Variants in CHCHD6 observed in about 807,000 individuals in gnomAD.
CHCHD6 encodes the protein coiled-coil-helix-coiled-coil-helix domain containing 6.
Under a neutral mutation model 32.3 loss-of-function variants are expected in CHCHD6, and 28 were observed. That is an observed-to-expected ratio of 0.87 (90% CI 0.64 to 1.19). The LOEUF is 1.19. Ranked by LOEUF, CHCHD6 falls within the 50% of genes most tolerant of loss-of-function variation. CHCHD6 has a pLI of 0.00. For missense variants in CHCHD6, 333 were observed against 307.0 expected (o/e 1.08, Z -0.63); for synonymous variants, 122 against 117.5 (o/e 1.04, Z -0.25).
intron 4 of CHCHD6, among the ~76,000 whole-genome samples, chr3:126,829,545 G>A (rs547432530): frequency 6.6e-6 from 1 of 151,910 alleles, no homozygotes; most frequent in African/African-American, 2.4e-5. Flanking sequence ...GACAAAATTC[G>A]TATGTTGAAG....
At chr3:126,944,592 G>A (rs1326474539) in intron 6 of CHCHD6, among the ~76,000 whole-genome samples, 1 of 152,210 alleles carries the variant, frequency 6.6e-6, no homozygotes, top group East Asian at 1.9e-4. Flanking sequence ...AGGCCACAGA[G>A]CAGAAGTGAC....
intron 5 of CHCHD6, among the ~76,000 whole-genome samples, chr3:126,881,023 G>T (rs965031792): frequency 6.6e-6 from 1 of 152,208 alleles, no homozygotes; most frequent in Non-Finnish European, 1.5e-5. Flanking sequence ...AGATCTCTGA[G>T]TCAGATTCTA....
chr3:126,777,709 G>A (rs775076482), intron 4 of CHCHD6, among the ~76,000 whole-genome samples: 3 of 152,188 alleles, frequency 2.0e-5, no homozygotes, highest in Non-Finnish European at 4.4e-5. Context: ...CTCATTGAGA[G>A]GAATGGCAAT....
intron 5 of CHCHD6, among the ~76,000 whole-genome samples, chr3:126,890,859 C>T (rs904194105): frequency 6.6e-6 from 1 of 152,204 alleles, no homozygotes; most frequent in Non-Finnish European, 1.5e-5. Flanking sequence ...GGCACAGTGT[C>T]TCACTTTGGC....
chr3:126,768,269 CCT>C (rs918949401), intron 4 of CHCHD6, among the ~76,000 whole-genome samples: 2 of 152,006 alleles, frequency 1.3e-5, no homozygotes, highest in East Asian at 1.9e-4. Flanking sequence ...CCTCCCCTAA[CCT>C]CTCTCTCTCG....
At chr3:126,951,715 G>C (rs1245990026) in intron 6 of CHCHD6, among the ~76,000 whole-genome samples, 1 of 152,218 alleles carries the variant, frequency 6.6e-6, no homozygotes, top group Non-Finnish European at 1.5e-5. Context: ...TCCAGCTGGG[G>C]ATGGGCTGGG....
At chr3:126,831,312 A>C (rs1200831287) in intron 4 of CHCHD6, among the ~76,000 whole-genome samples, 1 of 151,918 alleles carries the variant, frequency 6.6e-6, no homozygotes, top group Non-Finnish European at 1.5e-5. Flanking sequence ...GGCATAAGCC[A>C]CCGTACCCGG....
intron 6 of CHCHD6, among the ~76,000 whole-genome samples, chr3:126,946,923 A>G (rs1217262703): frequency 1.3e-5 from 2 of 152,260 alleles, no homozygotes; most frequent in Non-Finnish European, 2.9e-5. Context: ...GGCCAATATT[A>G]TCAGATTGAT....
At chr3:126,960,021 G>C (rs962856507) in intron 7 of CHCHD6, among the ~76,000 whole-genome samples, 175 bp from the exon 8 acceptor site, 2 of 152,204 alleles carry the variant, frequency 1.3e-5, no homozygotes, top group Non-Finnish European at 2.9e-5. Flanking sequence ...TGGGGACTGT[G>C]CTGGGCTCCG....
At chr3:126,953,795 G>C (rs1450439456) in intron 6 of CHCHD6, among the ~76,000 whole-genome samples, 3 of 152,306 alleles carry the variant, frequency 2.0e-5, no homozygotes, top group Middle Eastern at 3.4e-3. Flanking sequence ...CCTTACACAG[G>C]GGTACAGGAC....
intron 5 of CHCHD6, among the ~76,000 whole-genome samples, chr3:126,853,420 T>C (rs778277617): frequency 1.3e-5 from 2 of 152,166 alleles, no homozygotes; most frequent in Non-Finnish European, 1.5e-5. Context: ...CCCTCATGCC[T>C]GAGACAGCAT....
intron 5 of CHCHD6, among the ~76,000 whole-genome samples, chr3:126,863,392 A>T (rs1180444336): frequency 4.8e-5 from 4 of 83,822 alleles, no homozygotes; most frequent in Admixed American, 1.3e-4. Context: ...TACCATCACC[A>T]CCTCCTCCTC....
At chr3:126,706,435 C>G (rs1025608990) in intron 1 of CHCHD6, among the ~76,000 whole-genome samples, 1 of 152,100 alleles carries the variant, frequency 6.6e-6, no homozygotes, top group Non-Finnish European at 1.5e-5. Context: ...CTGCAATTCC[C>G]CCCCATGATG....
At chr3:126,754,539 G>A (rs1295784622) in intron 4 of CHCHD6, among the ~76,000 whole-genome samples, 6 of 152,226 alleles carry the variant, frequency 3.9e-5, no homozygotes, top group African/African-American at 1.4e-4. Flanking sequence ...TATTGGCAGA[G>A]GAGCAAGCTG....
intron 5 of CHCHD6, among the ~76,000 whole-genome samples, chr3:126,862,233 C>T (rs1199467567): frequency 3.2e-5 from 4 of 126,780 alleles, no homozygotes; most frequent in Admixed American, 7.7e-5. Flanking sequence ...CCTCCTCCTC[C>T]TCCATCACCA....
chr3:126,832,892 T>C (rs1409333700), intron 4 of CHCHD6, among the ~76,000 whole-genome samples: 1 of 152,204 alleles, frequency 6.6e-6, no homozygotes, highest in African/African-American at 2.4e-5. Context: ...AGCCAAGGTC[T>C]ACAGATATGG....
chr3:126,747,426 T>C (rs2107666235), intron 4 of CHCHD6, among the ~76,000 whole-genome samples: 1 of 152,274 alleles, frequency 6.6e-6, no homozygotes, highest in Admixed American at 6.5e-5. Context: ...TGAGATAAAA[T>C]TAAGTGCCTA....
chr3:126,742,432 G>T (rs1936324028), intron 4 of CHCHD6, among the ~76,000 whole-genome samples: 1 of 152,096 alleles, frequency 6.6e-6, no homozygotes, highest in Admixed American at 6.6e-5. Context: ...CTTGTTTCCT[G>T]TCCACTTCAT....
intron 4 of CHCHD6, among the ~76,000 whole-genome samples, chr3:126,817,264 A>G (rs1939947885): frequency 6.6e-6 from 1 of 151,824 alleles, no homozygotes; most frequent in African/African-American, 2.4e-5. Flanking sequence ...TCCTTGTAGA[A>G]AGGAGGAGTG....
Sources: allele counts gnomAD v4.1 joint callset (sites outside exome capture counted in the v4.1 genomes callset), GRCh38; gene constraint gnomAD v4.1.1; transcripts MANE v1.5; gene names NCBI Gene and HGNC (gene_info 2026-07-23, HGNC 2026-07-21).